Variants in RAB3C observed in about 807,000 individuals in gnomAD.
RAB3C encodes RAB3C, member RAS oncogene family, also known as ras-related protein Rab-3C.
RAB3C carries 17 observed loss-of-function variants against 26.4 expected under a neutral mutation model. The ratio of observed to expected loss-of-function variants is 0.64; its 90% CI spans 0.44 to 0.97. The LOEUF is 0.97. RAB3C is among the 50% of genes least tolerant of loss of function. The pLI is 0.00. For synonymous variants in RAB3C, 91 were observed against 95.9 expected (o/e 0.95, Z 0.30); for missense variants, 242 against 281.9 (o/e 0.86, Z 1.01).
chr5:58,753,974 CATT>C (rs954928641), intron 3 of RAB3C, among the ~76,000 whole-genome samples: 1 of 152,106 alleles, frequency 6.6e-6, no homozygotes, highest in African/African-American at 2.4e-5. Flanking sequence ...TGCTTGCCAA[CATT>C]AGTGGGCCAA....
chr5:58,818,483 A>AGAAAGCTT (rs1743266142), intron 3 of RAB3C, among the ~76,000 whole-genome samples: 1 of 152,174 alleles, frequency 6.6e-6, no homozygotes, highest in Non-Finnish European at 1.5e-5. Flanking sequence ...AAATGTTGAG[A>AGAAAGCTT]GAAAGCTTGA....
upstream of RAB3C, chr5:58,582,934 A>T: frequency 3.9e-6 from 3 of 773,238 alleles, no homozygotes; most frequent in Non-Finnish European, 5.8e-6. Context: ...GAGCCTGTTT[A>T]ATGGTTTGCT....
intron 3 of RAB3C, among the ~76,000 whole-genome samples, chr5:58,782,186 G>A (rs971215058): frequency 8.5e-5 from 13 of 152,082 alleles, no homozygotes; most frequent in South Asian, 4.1e-4. Flanking sequence ...GGAATACATT[G>A]GCACTTGTCT....
chr5:58,631,002 C>T (rs1045023797), intron 2 of RAB3C, among the ~76,000 whole-genome samples: 4 of 152,084 alleles, frequency 2.6e-5, no homozygotes, highest in Non-Finnish European at 5.9e-5. Flanking sequence ...AGGCTCAGGA[C>T]GAAGAGTGCA....
intron 2 of RAB3C, among the ~76,000 whole-genome samples, chr5:58,668,804 C>G (rs1432466078): frequency 1.3e-5 from 2 of 152,058 alleles, no homozygotes; most frequent in Non-Finnish European, 2.9e-5. Context: ...CTCATGGTCT[C>G]CCATGAAAGA....
intron 3 of RAB3C, among the ~76,000 whole-genome samples, chr5:58,728,688 C>G (rs1156493805): frequency 6.6e-6 from 1 of 152,002 alleles, no homozygotes; most frequent in East Asian, 1.9e-4. Flanking sequence ...TCTACTAAAT[C>G]AAATCTCCCG....
intron 2 of RAB3C, among the ~76,000 whole-genome samples, chr5:58,664,546 C>T (rs1747966792): frequency 6.6e-6 from 1 of 152,030 alleles, no homozygotes; most frequent in African/African-American, 2.4e-5. Context: ...GATGGGAATG[C>T]TCTGTAACAT....
intron 3 of RAB3C, among the ~76,000 whole-genome samples, chr5:58,770,062 A>C (rs1370803341): frequency 6.6e-6 from 1 of 152,202 alleles, no homozygotes; most frequent in East Asian, 1.9e-4. Flanking sequence ...ACTTCAATAC[A>C]GAATAGTATT....
chr5:58,709,958 A>G (rs1345910854), intron 2 of RAB3C, among the ~76,000 whole-genome samples: 2 of 152,186 alleles, frequency 1.3e-5, no homozygotes, highest in African/African-American at 4.8e-5. Context: ...TGCCTTGTAA[A>G]GTTTGATATT....
chr5:58,764,012 T>C (rs1034352851), intron 3 of RAB3C, among the ~76,000 whole-genome samples: 29 of 152,186 alleles, frequency 1.9e-4, no homozygotes, highest in African/African-American at 6.8e-4. Context: ...TTGAATAAGG[T>C]TTACTTTTAA....
chr5:58,791,641 A>G (rs1261972396), intron 3 of RAB3C, among the ~76,000 whole-genome samples: 1 of 152,218 alleles, frequency 6.6e-6, no homozygotes, highest in Non-Finnish European at 1.5e-5. Context: ...TACTTAATCT[A>G]TTTGGTGCTT....
chr5:58,679,877 G>T (rs1748311203), intron 2 of RAB3C, among the ~76,000 whole-genome samples: 1 of 152,180 alleles, frequency 6.6e-6, no homozygotes, highest in African/African-American at 2.4e-5. Flanking sequence ...TATCCTTTAG[G>T]CAATGTACTG....
At chr5:58,670,326 T>C (rs1037436647) in intron 2 of RAB3C, among the ~76,000 whole-genome samples, 1 of 152,148 alleles carries the variant, frequency 6.6e-6, no homozygotes, top group East Asian at 1.9e-4. Flanking sequence ...TTTTTTTTTT[T>C]AATTTAAGCT....
chr5:58,700,813 A>G (rs1748825604), intron 2 of RAB3C, among the ~76,000 whole-genome samples: 1 of 152,254 alleles, frequency 6.6e-6, no homozygotes, highest in South Asian at 2.1e-4. Context: ...GAACCATTTC[A>G]CAATCATGCT....
chr5:58,773,355 G>A (rs1432563837), intron 3 of RAB3C, among the ~76,000 whole-genome samples: 1 of 151,970 alleles, frequency 6.6e-6, no homozygotes, highest in Non-Finnish European at 1.5e-5. Context: ...CCCAAATAAG[G>A]GACTGTCCTA....
At chr5:58,665,174 G>T (rs10472068) in intron 2 of RAB3C, among the ~76,000 whole-genome samples, 17,858 of 152,152 alleles carry the variant, frequency 0.12, 1,349 homozygotes, top group Non-Finnish European at 0.16. Flanking sequence ...AGTCGGAAAA[G>T]TATTCATATC....
intron 2 of RAB3C, among the ~76,000 whole-genome samples, chr5:58,723,807 A>G (rs1268020166): frequency 3.3e-5 from 5 of 151,850 alleles, no homozygotes. Context: ...CATCTCTGGG[A>G]TAAGAGAGTC....
At chr5:58,608,425 A>G (rs1746617843) in intron 1 of RAB3C, among the ~76,000 whole-genome samples, 1 of 152,228 alleles carries the variant, frequency 6.6e-6, no homozygotes, top group Non-Finnish European at 1.5e-5. Flanking sequence ...CAGCCAAAAG[A>G]CACATGAAAA....
intron 2 of RAB3C, among the ~76,000 whole-genome samples, chr5:58,635,891 C>A (rs899671962): frequency 6.6e-6 from 1 of 152,072 alleles, no homozygotes; most frequent in African/African-American, 2.4e-5. Context: ...TTTGTGTTAA[C>A]AGGTTATTTA....
Sources: gnomAD v4.1 joint callset for allele counts (sites outside exome capture counted in the v4.1 genomes callset) on GRCh38, gnomAD v4.1.1 for gene constraint, MANE v1.5 for transcripts, NCBI Gene and HGNC (gene_info 2026-07-23, HGNC 2026-07-21) for gene names.